Variants in JADE1 observed in about 807,000 individuals in gnomAD.
The protein encoded by JADE1 is jade family PHD finger 1, also known as protein Jade-1.
A neutral mutation model predicts 81.8 loss-of-function variants in JADE1; 14 were observed. The ratio of observed to expected loss-of-function variants is 0.17; its 90% CI spans 0.11 to 0.27. The LOEUF is 0.27. Ranked by LOEUF, JADE1 falls within the 10% of genes least tolerant of loss-of-function variation. The pLI, the probability that JADE1 is intolerant of heterozygous loss-of-function variation, is 1.00. For synonymous variants in JADE1, 353 were observed against 391.9 expected (o/e 0.90, Z 1.17); for missense variants, 690 against 1,047.9 (o/e 0.66, Z 4.71).
chr4:128,820,779 G>GAACAAA (rs1026207194), intron 1 of JADE1, among the ~76,000 whole-genome samples: 4 of 151,974 alleles, frequency 2.6e-5, no homozygotes, highest in African/African-American at 9.7e-5. Context: ...TATAATCAAG[G>GAACAAA]AACAAAGTTC....
chr4:128,817,260 G>C (rs1308977589), intron 1 of JADE1, among the ~76,000 whole-genome samples: 3 of 150,008 alleles, frequency 2.0e-5, no homozygotes, highest in Non-Finnish European at 4.4e-5. Flanking sequence ...GCCCAGGCTA[G>C]TCTTGAACTC....
At chr4:128,809,907 G>A (rs1300138983) in intron 1 of JADE1, 30 bp downstream of exon 1, 1 of 148,118 alleles carries the variant, frequency 6.8e-6, no homozygotes, top group Non-Finnish European at 1.5e-5. Flanking sequence ...GGGGCGCGCG[G>A]GGTGGGCGCG....
chr4:128,868,424 G>A (rs557024836), intron 10 of JADE1, among the ~76,000 whole-genome samples: 2 of 152,306 alleles, frequency 1.3e-5, no homozygotes, highest in Non-Finnish European at 2.9e-5. Flanking sequence ...CTGTACTTAA[G>A]ACACAGTCCA....
At position 128,846,020 on chromosome 4, in the gene JADE1, G is replaced by A. The variant is rs1403019413; in HGVS notation, c.139-355G>A. On this transcript the variant is annotated intron_variant, in intron 3 of 10. Coordinates refer to ENST00000226319, the MANE Select transcript of JADE1 (RefSeq NM_199320.4). This position sits in a 1 kb window ranked among gnomAD's most constrained non-coding sequence, Gnocchi z 4.0. ...AGTTATATTTCTAGAGCACCCTTGAGTGCAGTATCTCCCTTCAGAGATTTC... is the reference window on the plus strand; with the variant it reads ...AGTTATATTTCTAGAGCACCCTTGAATGCAGTATCTCCCTTCAGAGATTTC... 1.3e-5 allele frequency among the ~76,000 whole-genome samples: 2 copies of A among 152,158 alleles called. No individual in the cohort carries two copies. The highest frequency in any genetic ancestry group is 2.9e-5 in the Non-Finnish European group (2 of 68,022).
At chr4:128,815,534 A>G (rs916249898) in intron 1 of JADE1, among the ~76,000 whole-genome samples, 1 of 152,248 alleles carries the variant, frequency 6.6e-6, no homozygotes, top group African/African-American at 2.4e-5. Flanking sequence ...TTTGGAGATC[A>G]TCTGCTTGCT....
rs563751636 is a variant in JADE1 at position 128,812,476 on chromosome 4, C to T, written c.-27+2599C>T. Among the ~76,000 whole-genome samples, 592 of 152,144 alleles carry T rather than the reference C, an allele frequency of 3.9e-3. 1 individual carries two copies. The highest frequency in any genetic ancestry group is 0.013 in the African/African-American group (548 of 41,534). ...CCCTTGCTGGGATCCTTAGCCTTCT[C>T]ACGTCCCCTCTCACTCCGCCACCCT... is the stretch of plus-strand genomic sequence containing the variant. On this transcript the variant is annotated intron_variant, in intron 1 of 10. Transcript: ENST00000226319.
chr4:128,834,548 T>G (rs1728818093), intron 2 of JADE1, among the ~76,000 whole-genome samples: 1 of 149,658 alleles, frequency 6.7e-6, no homozygotes, highest in African/African-American at 2.5e-5. Flanking sequence ...TTTTTTTTTT[T>G]TTTGAGATGG....
chr4:128,840,612 C>T (rs1729353797), intron 2 of JADE1, among the ~76,000 whole-genome samples: 1 of 152,154 alleles, frequency 6.6e-6, no homozygotes, highest in Admixed American at 6.5e-5. Context: ...AAAGAGAGGC[C>T]TCTTTATAGA....
In JADE1 at chr4:128,862,818, A is replaced by C. The variant is rs1227316655; in HGVS notation, c.1503+593A>C. On this transcript the variant is annotated intron_variant, in intron 9 of 10. Transcript: ENST00000226319. Reference sequence around the variant, plus strand: ...AGGCAGTGGGTGCTGATGTGTGTGCATGAGCTGTATGTACACATGCATATA... The same window carrying C: ...AGGCAGTGGGTGCTGATGTGTGTGCCTGAGCTGTATGTACACATGCATATA... 5 of 996,432 alleles carry C rather than the reference A, an allele frequency of 5.0e-6. No homozygotes were observed. In the Admixed American group the frequency reaches 2.6e-4, roughly 53 times the overall value. The allele number at this position is 996,432 out of a possible 1,614,324, so 61.7% of individuals were successfully genotyped here. A position where few individuals can be genotyped will look rare whatever the true frequency, so the allele number is the denominator to read the frequency against.
chr4:128,839,917 A>G (rs1436563574), intron 2 of JADE1, among the ~76,000 whole-genome samples: 1 of 152,222 alleles, frequency 6.6e-6, no homozygotes, highest in African/African-American at 2.4e-5. Context: ...TTTCTTTACC[A>G]GTCTTTCCCT....
At chr4:128,812,613 C>G (rs1198550253) in intron 1 of JADE1, among the ~76,000 whole-genome samples, 3 of 152,200 alleles carry the variant, frequency 2.0e-5, no homozygotes, top group Admixed American at 2.0e-4. Flanking sequence ...AGGTTTCCCA[C>G]CCCAAGCGGG....
At chr4:128,864,044 T>C in intron 9 of JADE1, 5 of 985,328 alleles carry the variant, frequency 5.1e-6, no homozygotes, top group Non-Finnish European at 4.8e-6. Context: ...GCCAACGATG[T>C]ATGAGAAACA....
chr4:128,846,608 G>A lies in JADE1; in HGVS notation c.296+76G>A. On this transcript the variant is annotated intron_variant, in intron 4 of 10. Transcript: ENST00000226319. This position sits in a 1 kb window ranked among gnomAD's most constrained non-coding sequence, Gnocchi z 4.0. ...CCCTGACAGCAGGCATCTGAGAAGA[G>A]ACAATTTCTGTGGGAAGAGACAGTT... 1 of 1,466,692 alleles carries A rather than the reference G, an allele frequency of 6.8e-7. No individual in the cohort carries two copies. The highest frequency in any genetic ancestry group is 1.4e-5 in the African/African-American group (1 of 71,368). 90.9% of individuals were successfully genotyped at this position (1,466,692 alleles called of 1,614,324 possible).
chr4:128,855,171 C>G (rs1730685856), intron 6 of JADE1, among the ~76,000 whole-genome samples: 1 of 152,152 alleles, frequency 6.6e-6, no homozygotes, highest in South Asian at 2.1e-4. Flanking sequence ...TGCTTTTTCT[C>G]CACACTCTGT....
chr4:128,865,685 C>T (rs1731730294), intron 9 of JADE1, among the ~76,000 whole-genome samples: 1 of 152,098 alleles, frequency 6.6e-6, no homozygotes, highest in Non-Finnish European at 1.5e-5. Flanking sequence ...GAAAACCATG[C>T]CCTTTGCTTT....
intron 1 of JADE1, among the ~76,000 whole-genome samples, chr4:128,819,437 G>T (rs754590963): frequency 7.2e-5 from 11 of 152,160 alleles, no homozygotes; most frequent in Non-Finnish European, 1.5e-4. Flanking sequence ...AAATGTGTAA[G>T]AACAAATACC....
intron 9 of JADE1, chr4:128,862,982 G>A (rs1731482780): frequency 2.0e-6 from 2 of 985,758 alleles, no homozygotes; most frequent in South Asian, 9.4e-5. Flanking sequence ...ATTCCTGGTG[G>A]ACAGGGGTGT....
At chr4:128,844,172 C>T (rs926277285) in intron 3 of JADE1, among the ~76,000 whole-genome samples, 12 of 152,172 alleles carry the variant, frequency 7.9e-5, no homozygotes, top group African/African-American at 2.9e-4. Context: ...TCACACTAAA[C>T]TCCTGTTACT....
In JADE1 at chr4:128,815,390, G is replaced by A. The variant is rs114081268; in HGVS notation, c.-27+5513G>A. 6.9e-3 allele frequency among the ~76,000 whole-genome samples: 1,045 copies of A among 152,288 alleles called. 6 individuals are homozygous for A. Among genetic ancestry groups the A allele is most frequent in the Non-Finnish European group, 9.9e-3 (675 of 68,032 alleles). On this transcript the variant is annotated intron_variant, in intron 1 of 10. Transcript: ENST00000226319. Reference sequence around the variant, plus strand: ...TCTGGGGTTACAGGCGTGAGCCACCGTGCCCGGCAATCTTAAGTAACTTTT... The same window carrying A: ...TCTGGGGTTACAGGCGTGAGCCACCATGCCCGGCAATCTTAAGTAACTTTT...
Sources: allele counts gnomAD v4.1 joint callset (sites outside exome capture counted in the v4.1 genomes callset), GRCh38; gene constraint gnomAD v4.1.1; non-coding constraint Gnocchi (gnomAD v3.1); transcripts MANE v1.5; gene names NCBI Gene and HGNC (gene_info 2026-07-23, HGNC 2026-07-21).